The following FBXL17 variants were observed in gnomAD, a reference collection of about 807,000 sequenced individuals.
The protein encoded by FBXL17 is F-box and leucine rich repeat protein 17.
In FBXL17, 22 loss-of-function variants were observed where a neutral mutation model predicts 66.2. That is an observed-to-expected ratio of 0.33 (90% CI 0.24 to 0.47). The LOEUF (loss-of-function observed/expected upper bound fraction) is 0.47, where lower values mean the gene tolerates loss of function less well. Among genes scored for constraint, FBXL17 ranks in the 20% least tolerant of loss-of-function variants. FBXL17 has a pLI of 1.00. For synonymous variants in FBXL17, 474 were observed against 400.5 expected, an observed-to-expected ratio of 1.18 and a Z score of -2.19; for missense variants, 878 against 948.2, an observed-to-expected ratio of 0.93 and a Z score of 0.97.
intron 7 of FBXL17, among the ~76,000 whole-genome samples, chr5:107,977,876 G>A (rs370730956): frequency 7.2e-5 from 11 of 152,204 alleles, no homozygotes; most frequent in Admixed American, 3.3e-4. Context: ...GGGCTGGGAG[G>A]ATGGGAAGTG....
At chr5:107,866,428 A>G (rs1434501688) in intron 8 of FBXL17, among the ~76,000 whole-genome samples, 1 of 152,218 alleles carries the variant, frequency 6.6e-6, no homozygotes, top group Non-Finnish European at 1.5e-5. Context: ...GTTAACATCT[A>G]TTAGCACTTT....
At chr5:108,195,774 C>A (rs1302134893) in intron 5 of FBXL17, among the ~76,000 whole-genome samples, 3 of 152,086 alleles carry the variant, frequency 2.0e-5, no homozygotes, top group Non-Finnish European at 2.9e-5. Flanking sequence ...TTTGGCTATA[C>A]AGTATTTGAA....
In FBXL17 at chr5:108,095,121, G is replaced by A. The variant is rs138519890; in HGVS notation, c.1746-74120C>T. Among the ~76,000 whole-genome samples the A allele has an allele frequency of 5.1e-4, 78 of 151,882 alleles. 1 individual carries two copies. In the South Asian group the frequency reaches 0.013, roughly 25 times the overall value. The stretch of plus-strand genomic sequence containing the variant: ...ACAACATTCATTTAAAAATCATAAC[G>A]TAATATATTTACATTTGGGGAGGCT... On this transcript the variant is annotated intron_variant, in intron 6 of 8. Coordinates refer to ENST00000542267, the MANE Select transcript of FBXL17 (RefSeq NM_001163315.3).
At chr5:107,977,192 C>A (rs947585564) in intron 7 of FBXL17, among the ~76,000 whole-genome samples, 2 of 152,072 alleles carry the variant, frequency 1.3e-5, no homozygotes, top group African/African-American at 4.8e-5. Context: ...AGTTTAGGGT[C>A]TAGTAAACTG....
intron 5 of FBXL17, among the ~76,000 whole-genome samples, chr5:108,219,245 G>A (rs1318976931): frequency 2.0e-5 from 3 of 152,302 alleles, no homozygotes; most frequent in South Asian, 2.1e-4. Context: ...TGGGATGGGA[G>A]TATTGGAAAA....
intron 6 of FBXL17, among the ~76,000 whole-genome samples, chr5:108,083,561 T>G (rs1436670969): frequency 7.5e-6 from 1 of 133,722 alleles, no homozygotes; most frequent in Admixed American, 8.2e-5. Flanking sequence ...CACCATATTT[T>G]TTGTGGCTAA....
intron 8 of FBXL17, among the ~76,000 whole-genome samples, chr5:107,868,900 C>T (rs970406366): frequency 7.2e-6 from 1 of 138,798 alleles, no homozygotes; most frequent in Non-Finnish European, 1.5e-5. Context: ...TAGAATAAAA[C>T]AACTCATCAT....
At chr5:108,201,251 A>G (rs1221778490) in intron 5 of FBXL17, among the ~76,000 whole-genome samples, 1 of 152,186 alleles carries the variant, frequency 6.6e-6, no homozygotes, top group Non-Finnish European at 1.5e-5. Flanking sequence ...AAAATTGCAA[A>G]GAAAAAGATA....
At chr5:108,108,813 C>T (rs1222297183) in intron 6 of FBXL17, among the ~76,000 whole-genome samples, 3 of 135,124 alleles carry the variant, frequency 2.2e-5, no homozygotes, top group East Asian at 2.2e-4. Flanking sequence ...GACAGAGTTT[C>T]GCTCTTGTTG....
chr5:108,108,569 T>C (rs974863407), intron 6 of FBXL17, among the ~76,000 whole-genome samples: 3 of 152,164 alleles, frequency 2.0e-5, no homozygotes, highest in Non-Finnish European at 4.4e-5. Context: ...TATATTTAAA[T>C]AAAGACATGG....
intron 6 of FBXL17, among the ~76,000 whole-genome samples, chr5:108,139,507 TTA>T (rs1751271719): frequency 6.6e-6 from 1 of 152,116 alleles, no homozygotes; most frequent in Admixed American, 6.5e-5. Context: ...CACTACAAAT[TTA>T]TAGTTTCCAA....
intron 6 of FBXL17, among the ~76,000 whole-genome samples, chr5:108,121,128 G>C (rs1022754739): frequency 2.0e-5 from 3 of 152,144 alleles, no homozygotes; most frequent in African/African-American, 7.2e-5. Flanking sequence ...AAGAGGTCAA[G>C]ACCATCCTGG....
intron 6 of FBXL17, among the ~76,000 whole-genome samples, chr5:108,035,204 T>C (rs1746793733): frequency 1.3e-5 from 2 of 152,142 alleles, no homozygotes; most frequent in South Asian, 2.1e-4. Context: ...CTACAAATAA[T>C]TGCAAAGGAG....
chr5:108,228,626 G>C (rs2922427), intron 4 of FBXL17, among the ~76,000 whole-genome samples: 68,603 of 152,072 alleles, frequency 0.45, 15,791 homozygotes, highest in Non-Finnish European at 0.5. Context: ...TAGCTATTAT[G>C]ATAATCACTC....
At chr5:107,878,031 T>C (rs1035102707) in intron 8 of FBXL17, among the ~76,000 whole-genome samples, 1 of 152,218 alleles carries the variant, frequency 6.6e-6, no homozygotes, top group Non-Finnish European at 1.5e-5. Context: ...TTTCTCCCAC[T>C]GCAAATCTTT....
At chr5:108,317,462 C>A (rs534278247) in intron 4 of FBXL17, among the ~76,000 whole-genome samples, 146 of 150,818 alleles carry the variant, frequency 9.7e-4, no homozygotes, top group African/African-American at 3.4e-3. Flanking sequence ...TCAAAAAAAC[C>A]ACATGTACCT....
chr5:108,187,360 C>G (rs1295936131), intron 5 of FBXL17, among the ~76,000 whole-genome samples: 2 of 152,120 alleles, frequency 1.3e-5, no homozygotes, highest in Non-Finnish European at 2.9e-5. Flanking sequence ...TACCTATGCT[C>G]TAATATGTTA....
chr5:108,146,953 G>T (rs913950982), intron 6 of FBXL17, among the ~76,000 whole-genome samples: 5 of 152,128 alleles, frequency 3.3e-5, no homozygotes, highest in African/African-American at 1.2e-4. Flanking sequence ...AGAAGTCCAA[G>T]ATCAAGGAAC....
chr5:108,159,942 T>C (rs1752143250), intron 6 of FBXL17, among the ~76,000 whole-genome samples: 1 of 152,190 alleles, frequency 6.6e-6, no homozygotes, highest in African/African-American at 2.4e-5. Context: ...TAAAAATTTA[T>C]ACACTTTCTC....
Sources: gnomAD v4.1 joint callset for allele counts (sites outside exome capture counted in the v4.1 genomes callset) on GRCh38, gnomAD v4.1.1 for gene constraint, MANE v1.5 for transcripts, NCBI Gene and HGNC (gene_info 2026-07-23, HGNC 2026-07-21) for gene names.